MEF2A: variants seen among roughly 807,000 people sequenced by gnomAD.
MEF2A encodes myocyte enhancer factor 2A, also known as myocyte-specific enhancer factor 2A.
In MEF2A, 28 loss-of-function variants were observed where a neutral mutation model predicts 55.8. That is an observed-to-expected ratio of 0.50 (90% CI 0.37 to 0.69). The LOEUF (loss-of-function observed/expected upper bound fraction) is 0.69, where lower values mean the gene tolerates loss of function less well. Ranked by LOEUF, MEF2A falls within the 30% of genes least tolerant of loss-of-function variation. MEF2A has a pLI of 0.00. For synonymous variants in MEF2A, 239 were observed against 227.1 expected (o/e 1.05, Z -0.47); for missense variants, 528 against 626.2 (o/e 0.84, Z 1.67).
At chr15:99,617,025 CATTT>C (rs1046029044) in intron 2 of MEF2A, among the ~76,000 whole-genome samples, 14 of 152,116 alleles carry the variant, frequency 9.2e-5, no homozygotes, top group African/African-American at 3.1e-4. Flanking sequence ...TTGTTACAGT[CATTT>C]ATTTGTCTTT....
chr15:99,616,905 T>G (rs534178586), intron 2 of MEF2A, among the ~76,000 whole-genome samples: 2 of 152,310 alleles, frequency 1.3e-5, no homozygotes, highest in South Asian at 4.1e-4. Flanking sequence ...TAATTGGATT[T>G]TGATTGGTTG....
intron 7 of MEF2A, among the ~76,000 whole-genome samples, chr15:99,689,413 A>G (rs1486450683): frequency 6.6e-6 from 1 of 152,182 alleles, no homozygotes; most frequent in Non-Finnish European, 1.5e-5. Flanking sequence ...CTGGTCTCAG[A>G]CATTTTTCTA....
chr15:99,576,571 A>G (rs1254751663), intron 1 of MEF2A, among the ~76,000 whole-genome samples: 1 of 151,850 alleles, frequency 6.6e-6, no homozygotes, highest in East Asian at 1.9e-4. Flanking sequence ...CTTTCTTTTA[A>G]GTGAAGTGTT....
chr15:99,640,749 A>G (rs1329047971), intron 3 of MEF2A, among the ~76,000 whole-genome samples: 2 of 151,664 alleles, frequency 1.3e-5, no homozygotes, highest in Non-Finnish European at 2.9e-5. Context: ...AGGTCTCACC[A>G]TGTTGCCCAG....
intron 1 of MEF2A, among the ~76,000 whole-genome samples, chr15:99,596,177 A>G (rs527414230): frequency 1.3e-5 from 2 of 152,330 alleles, no homozygotes; most frequent in South Asian, 4.1e-4. Context: ...TGAGGAATGC[A>G]TTTTGAGATG....
At chr15:99,689,821 G>C (rs2055027871) in intron 7 of MEF2A, among the ~76,000 whole-genome samples, 1 of 152,198 alleles carries the variant, frequency 6.6e-6, no homozygotes, top group African/African-American at 2.4e-5. Flanking sequence ...GCAGGTCCAA[G>C]GAGTAATGCT....
At chr15:99,628,242 A>G (rs1190486471) in intron 2 of MEF2A, among the ~76,000 whole-genome samples, 2 of 152,058 alleles carry the variant, frequency 1.3e-5, no homozygotes, top group African/African-American at 2.4e-5. Context: ...CCTGCATTCA[A>G]GTTTACTATG....
chr15:99,577,197 T>C (rs1964567773), intron 1 of MEF2A, among the ~76,000 whole-genome samples: 1 of 152,266 alleles, frequency 6.6e-6, no homozygotes, highest in Non-Finnish European at 1.5e-5. Flanking sequence ...AATTAAGTGC[T>C]ATAAAGCATA....
intron 1 of MEF2A, among the ~76,000 whole-genome samples, chr15:99,595,671 A>G (rs1466894773): frequency 1.3e-5 from 2 of 152,246 alleles, no homozygotes; most frequent in African/African-American, 4.8e-5. Flanking sequence ...GAGGAGACTC[A>G]TACTTGTACA....
At chr15:99,671,640 C>T (rs376743625) in intron 5 of MEF2A, 186 bp downstream of exon 5, 17 of 1,583,354 alleles carry the variant, frequency 1.1e-5, no homozygotes, top group African/African-American at 5.4e-5. Context: ...TAATATGATG[C>T]GGAATCATAA....
chr15:99,581,781 A>T (rs913117034), intron 1 of MEF2A, among the ~76,000 whole-genome samples: 1 of 152,152 alleles, frequency 6.6e-6, no homozygotes, highest in African/African-American at 2.4e-5. Flanking sequence ...ATGATAATGG[A>T]TTAGGGAGTT....
intron 3 of MEF2A, among the ~76,000 whole-genome samples, chr15:99,643,378 T>A (rs2045367861): frequency 6.6e-6 from 1 of 152,126 alleles, no homozygotes; most frequent in Non-Finnish European, 1.5e-5. Context: ...TAACAGCTTG[T>A]TTTCTTGCTT....
chr15:99,583,773 A>G (rs1024932378), intron 1 of MEF2A, among the ~76,000 whole-genome samples: 1 of 152,152 alleles, frequency 6.6e-6, no homozygotes, highest in African/African-American at 2.4e-5. Flanking sequence ...AACTTTCAGT[A>G]TGGTTACTGA....
At chr15:99,646,611 G>A (rs2046001249) in intron 4 of MEF2A, among the ~76,000 whole-genome samples, 1 of 152,072 alleles carries the variant, frequency 6.6e-6, no homozygotes, top group Non-Finnish European at 1.5e-5. Context: ...ACCATGTGAG[G>A]ATTATGTAGA....
At chr15:99,635,732 T>C (rs546332309) in intron 3 of MEF2A, among the ~76,000 whole-genome samples, 1 of 152,342 alleles carries the variant, frequency 6.6e-6, no homozygotes, top group Non-Finnish European at 1.5e-5. Context: ...ATCAGTGGTA[T>C]TGTTGCATGT....
Position 99,665,731 on chromosome 15 carries a change from CAAAAAAA to C in MEF2A, c.259-5574_259-5568del, listed in dbSNP as rs752473261. Among the ~76,000 whole-genome samples, 242 of 20,262 alleles carry C rather than the reference CAAAAAAA, an allele frequency of 0.012. 1 individual carries two copies. In the South Asian group the frequency reaches 0.15, roughly 13 times the overall value. 13.3% of individuals were successfully genotyped at this position (20,262 alleles called of 152,430 possible). ...GGAATCTACAAAGAACTTAAATTTA[CAAAAAAA>C]AAAAAAAAAAAAAAAAAGCCATCAA... On this transcript the variant is annotated intron_variant, in intron 4 of 11. Transcript: ENST00000557942.
intron 7 of MEF2A, among the ~76,000 whole-genome samples, chr15:99,683,829 C>T (rs950044957): frequency 6.6e-6 from 1 of 151,960 alleles, no homozygotes; most frequent in African/African-American, 2.4e-5. Context: ...TACCCTGTAC[C>T]CAATATGTAG....
chr15:99,660,981 A>G (rs553469765), intron 4 of MEF2A, among the ~76,000 whole-genome samples: 1 of 152,344 alleles, frequency 6.6e-6, no homozygotes, highest in African/African-American at 2.4e-5. Flanking sequence ...TTGCACTGCA[A>G]TATATTGAGA....
At chr15:99,581,479 C>G (rs925805955) in intron 1 of MEF2A, among the ~76,000 whole-genome samples, 2 of 151,466 alleles carry the variant, frequency 1.3e-5, no homozygotes, top group Non-Finnish European at 2.9e-5. Flanking sequence ...CCTTCATTTC[C>G]TCATTTGAGT....
Sources: gnomAD v4.1 joint callset for allele counts (sites outside exome capture counted in the v4.1 genomes callset) on GRCh38, gnomAD v4.1.1 for gene constraint, MANE v1.5 for transcripts, NCBI Gene and HGNC (gene_info 2026-07-23, HGNC 2026-07-21) for gene names.